QRSL1: variants seen among roughly 807,000 people sequenced by gnomAD.
The protein encoded by QRSL1 is glutamyl-tRNA(Gln) amidotransferase subunit A, mitochondrial.
In QRSL1, 54 loss-of-function variants were observed where a neutral mutation model predicts 61.6. The ratio of observed to expected loss-of-function variants is 0.88; its 90% CI spans 0.70 to 1.10. The LOEUF is 1.10. Ranked by LOEUF, QRSL1 falls within the 50% of genes least tolerant of loss-of-function variation. QRSL1 has a pLI of 0.00. For missense variants in QRSL1, 505 were observed against 622.6 expected (o/e 0.81, Z 2.01); for synonymous variants, 228 against 225.7 (o/e 1.01, Z -0.09).
At position 106,642,562 on chromosome 6, in the gene QRSL1, A is replaced by G. The variant is rs73761713; in HGVS notation, c.284-432A>G. 1.3e-3 allele frequency: 964 copies of G among 731,964 alleles called. 2 individuals carry two copies. In the African/African-American group the frequency reaches 0.015, roughly 11 times the overall value. 45.3% of individuals were successfully genotyped at this position (731,964 alleles called of 1,614,324 possible). A position where few individuals can be genotyped will look rare whatever the true frequency, so the allele number is the denominator to read the frequency against. ...CCATGTACATGTGAACCTATAAGAA[A>G]GGTGATGTGGACATCAAGGGAATGG... On this transcript the variant is annotated intron_variant, in intron 3 of 10. Transcript: ENST00000369046.
rs138715183 is a variant in QRSL1 at position 106,666,013 on chromosome 6, C to G, written c.*11C>G. ...TCTCTAAAACAGTAAACATATCTTA[C>G]AAATTAAAATGACTTTTAGGCTGGG... is the stretch of plus-strand genomic sequence containing the variant. On this transcript the variant is annotated 3_prime_UTR_variant, in exon 11 of 11. Transcript: ENST00000369046. 159 of 1,610,114 alleles carry G rather than the reference C, an allele frequency of 9.9e-5. 2 individuals are homozygous for G. The African/African-American group carries it at 1.8e-3, about 18-fold the overall frequency.
chr6:106,649,571 A>T (rs1777164200), intron 5 of QRSL1, among the ~76,000 whole-genome samples: 1 of 152,228 alleles, frequency 6.6e-6, no homozygotes, highest in African/African-American at 2.4e-5. Flanking sequence ...CAATGGCTTT[A>T]GTTGAGTGCT....
chr6:106,639,846 T>C (rs985782179), intron 1 of QRSL1, among the ~76,000 whole-genome samples: 7 of 152,214 alleles, frequency 4.6e-5, no homozygotes, highest in African/African-American at 1.7e-4. Flanking sequence ...AACCCGTATT[T>C]TATAAGCATT....
chr6:106,637,181 G>C (rs1776937535), intron 1 of QRSL1, among the ~76,000 whole-genome samples: 1 of 152,214 alleles, frequency 6.6e-6, no homozygotes, highest in Non-Finnish European at 1.5e-5. Flanking sequence ...TGGCTGTGTG[G>C]ATAGTAAAGT....
chr6:106,640,639 A>G (rs1276720488), intron 2 of QRSL1, 131 bp downstream of exon 2: 1 of 996,842 alleles, frequency 1.0e-6, no homozygotes, highest in African/African-American at 1.6e-5. Flanking sequence ...CCATGAGGAT[A>G]ATAAAAATGA....
At position 106,639,119 on chromosome 6, in the gene QRSL1, G is replaced by GTTTTTTTTTTTTTT. The variant is rs1177849683; in HGVS notation, c.25-1216_25-1203dup. Among the ~76,000 whole-genome samples the GTTTTTTTTTTTTTT allele has an allele frequency of 5.7e-5, 7 of 122,798 alleles. 1 individual carries two copies. The highest frequency in any genetic ancestry group is 2.0e-4 in the African/African-American group (6 of 30,090). The allele number at this position is 122,798 out of a possible 152,430, so 80.6% of individuals were successfully genotyped here. On this transcript the variant is annotated intron_variant, in intron 1 of 10. Transcript: ENST00000369046. ...TGTGTGGTTATTTGTGTGTTTTGTT[G>GTTTTTTTTTTTTTT]TTTTTTTTTTTTTTTTTTTTTTTTT...
intron 4 of QRSL1, among the ~76,000 whole-genome samples, chr6:106,647,342 A>G (rs1413923265): frequency 6.6e-6 from 1 of 152,046 alleles, no homozygotes; most frequent in Admixed American, 6.5e-5. Flanking sequence ...GGAATTCAAA[A>G]TTAAAATCAC....
chr6:106,665,070 G>A (rs1202413637), intron 10 of QRSL1, among the ~76,000 whole-genome samples: 1 of 151,920 alleles, frequency 6.6e-6, no homozygotes, highest in Non-Finnish European at 1.5e-5. Context: ...TGTTTTTGAT[G>A]GTCAAATTGC....
Position 106,665,887 on chromosome 6 carries a change from C to T in QRSL1, c.1472C>T (p.Ala491Val). The change falls in exon 11 of 11, where the codon GCC (alanine) becomes GTC (valine). Residue 491 changes from alanine (A) to valine (V), a missense_variant. Coordinates refer to ENST00000369046, the MANE Select transcript of QRSL1 (RefSeq NM_018292.5). ...TGTGACCAGCAGCTTCTTACAGTAG[C>T]CAAATGGTTTGAAAAACAAGTACAG... ...AFCDQQLLTV[A>V]KWFEKQVQFP... The T allele has an allele frequency of 6.2e-7, 1 of 1,613,888 alleles. No homozygotes were observed. The highest frequency in any genetic ancestry group is 8.5e-7 in the Non-Finnish European group (1 of 1,179,854).
intron 1 of QRSL1, among the ~76,000 whole-genome samples, chr6:106,638,050 A>C (rs554346827): frequency 6.6e-6 from 1 of 152,316 alleles, no homozygotes; most frequent in East Asian, 1.9e-4. Flanking sequence ...TGAGGATTGT[A>C]GGCATTAGGG....
intron 5 of QRSL1, among the ~76,000 whole-genome samples, chr6:106,651,888 A>C (rs1372172817): frequency 6.6e-6 from 1 of 152,228 alleles, no homozygotes; most frequent in East Asian, 1.9e-4. Context: ...CATTTTCAGG[A>C]ATTTTAATGA....
At chr6:106,661,173 C>T (rs138080871) in intron 9 of QRSL1, among the ~76,000 whole-genome samples, 72 of 152,026 alleles carry the variant, frequency 4.7e-4, no homozygotes, top group Middle Eastern at 3.4e-3. Flanking sequence ...TGCAGTGGCG[C>T]GATCTTGGCT....
At position 106,666,181 on chromosome 6, in the gene QRSL1, G is replaced by A. The variant is rs1266996704; in HGVS notation, c.*179G>A. The A allele has an allele frequency of 1.4e-5, 8 of 578,662 alleles. No homozygotes were observed. Among genetic ancestry groups the A allele is most frequent in the East Asian group, 6.2e-5 (2 of 32,328 alleles). The allele number at this position is 578,662 out of a possible 1,614,324, so 35.8% of individuals were successfully genotyped here. On this transcript the variant is annotated 3_prime_UTR_variant, in exon 11 of 11. Coordinates refer to ENST00000369046, the MANE Select transcript of QRSL1 (RefSeq NM_018292.5). ...ACAAAAATTAGCCAGGCTTAGTGGC[G>A]GGCATCTGTAGTCCCAGCTACTCAG...
chr6:106,652,391 A>G lies in QRSL1; in HGVS notation c.733+7A>G, dbSNP rs1193531886. 1 of 1,613,764 alleles carries G rather than the reference A, an allele frequency of 6.2e-7. No individual in the cohort carries two copies. The highest frequency in any genetic ancestry group is 8.5e-7 in the Non-Finnish European group (1 of 1,179,782). On this transcript the variant is annotated splice_region_variant and intron_variant, in intron 6 of 10. Coordinates refer to ENST00000369046, the MANE Select transcript of QRSL1 (RefSeq NM_018292.5). ...GATGCAGCAATTGTGTTGGGTATTT[A>G]TATAATTCTATATCATTTGCAACAG...
intron 1 of QRSL1, 76 bp downstream of exon 1, chr6:106,629,781 G>C: frequency 6.5e-7 from 1 of 1,537,288 alleles, no homozygotes; most frequent in East Asian, 2.4e-5. Flanking sequence ...GAGTCCCTGG[G>C]CCTTACCACG....
intron 3 of QRSL1, chr6:106,642,639 A>C (rs1777040264): frequency 2.6e-6 from 2 of 781,762 alleles, no homozygotes. Flanking sequence ...AAAACTGGAG[A>C]GTACACAGTG....
chr6:106,665,547 A>G (rs1338870655), intron 10 of QRSL1, among the ~76,000 whole-genome samples: 1 of 152,264 alleles, frequency 6.6e-6, no homozygotes, highest in Non-Finnish European at 1.5e-5. Flanking sequence ...GTAATGGAGT[A>G]CTATACAGCA....
At position 106,652,567 on chromosome 6, in the gene QRSL1, T is replaced by A. The variant is rs765685875; in HGVS notation, c.834T>A (p.Cys278Ter). ...GTTTGGCAGATGTGAGCAAACTATG[T>A]ATAGGAATTCCAAAGGTAACTTTTT... is the stretch of plus-strand genomic sequence containing the variant. ...LPSLADVSKL[C>*]IGIPKEYLVP... Residue 278 changes from cysteine (C) to a stop codon, truncating the protein, a stop_gained, in exon 7 of 11, where the codon TGT becomes TGA. Coordinates refer to ENST00000369046, the MANE Select transcript of QRSL1 (RefSeq NM_018292.5). LOFTEE classifies it high-confidence loss of function. 6 of 1,614,100 alleles carry A rather than the reference T, an allele frequency of 3.7e-6. No individual in the cohort carries two copies. The highest frequency in any genetic ancestry group is 5.1e-6 in the Non-Finnish European group (6 of 1,180,050).
intron 4 of QRSL1, among the ~76,000 whole-genome samples, chr6:106,645,655 T>C (rs1301650097): frequency 6.6e-6 from 1 of 152,180 alleles, no homozygotes; most frequent in Admixed American, 6.5e-5. Context: ...ACTCCTGACC[T>C]TGTGATCCGC....
Sources: gnomAD v4.1 joint callset for allele counts (sites outside exome capture counted in the v4.1 genomes callset) on GRCh38, gnomAD v4.1.1 for gene constraint, MANE v1.5 for transcripts, NCBI Gene and HGNC (gene_info 2026-07-23, HGNC 2026-07-21) for gene names.